Variants in DNAJC1 observed in about 807,000 individuals in gnomAD.
DNAJC1 encodes the protein dnaJ homolog subfamily C member 1.
In DNAJC1, 58 loss-of-function variants were observed where a neutral mutation model predicts 76.6. The ratio of observed to expected loss-of-function variants is 0.76; its 90% CI spans 0.61 to 0.94. The LOEUF (loss-of-function observed/expected upper bound fraction) is 0.94, where lower values mean the gene tolerates loss of function less well. Among genes scored for constraint, DNAJC1 ranks in the 40% least tolerant of loss-of-function variants. DNAJC1 has a pLI of 0.00. For synonymous variants in DNAJC1, 258 were observed against 267.9 expected (o/e 0.96, Z 0.36); for missense variants, 689 against 677.3 (o/e 1.02, Z -0.19).
intron 3 of DNAJC1, 30 bp downstream of exon 3, chr10:21,928,476 C>T (rs1299832624): frequency 6.3e-7 from 1 of 1,596,712 alleles, no homozygotes; most frequent in Non-Finnish European, 8.6e-7. Flanking sequence ...ACTATAACAT[C>T]TTAATTCAAA....
intron 8 of DNAJC1, among the ~76,000 whole-genome samples, chr10:21,847,668 T>A (rs1835682045): frequency 6.6e-6 from 1 of 152,172 alleles, no homozygotes; most frequent in Admixed American, 6.5e-5. Context: ...AGCTGTCACA[T>A]ATGAGTGAGA....
chr10:21,977,324 TTAGA>T (rs1265047008), intron 1 of DNAJC1, among the ~76,000 whole-genome samples: 1 of 152,176 alleles, frequency 6.6e-6, no homozygotes, highest in Non-Finnish European at 1.5e-5. Flanking sequence ...AAGCTGCAAT[TTAGA>T]TAGTCTAATT....
At chr10:21,913,039 C>CTA (rs977381309) in intron 6 of DNAJC1, among the ~76,000 whole-genome samples, 1 of 147,780 alleles carries the variant, frequency 6.8e-6, no homozygotes, top group Non-Finnish European at 1.5e-5. Context: ...GAAGATTCCT[C>CTA]TATTTTCTCA....
intron 7 of DNAJC1, among the ~76,000 whole-genome samples, chr10:21,893,989 T>C (rs1564819803): frequency 6.6e-6 from 1 of 152,036 alleles, no homozygotes; most frequent in Non-Finnish European, 1.5e-5. Flanking sequence ...CATGTAGACA[T>C]CAAAAGGATA....
At chr10:21,863,000 C>T (rs1432618123) in intron 8 of DNAJC1, among the ~76,000 whole-genome samples, 2 of 151,876 alleles carry the variant, frequency 1.3e-5, no homozygotes, top group African/African-American at 2.4e-5. Flanking sequence ...GGCATGGTGG[C>T]GCATGCCTGT....
chr10:21,846,836 A>G (rs1835667595), intron 8 of DNAJC1, among the ~76,000 whole-genome samples: 1 of 152,032 alleles, frequency 6.6e-6, no homozygotes, highest in South Asian at 2.1e-4. Flanking sequence ...TATTTCAAAA[A>G]TAAACATTTC....
intron 1 of DNAJC1, among the ~76,000 whole-genome samples, chr10:21,950,919 C>T (rs1270118654): frequency 2.0e-5 from 3 of 152,036 alleles, no homozygotes; most frequent in Admixed American, 6.6e-5. Context: ...AGTTGGATCA[C>T]GAGGCTTAAG....
chr10:21,864,497 C>T (rs1835964527), intron 8 of DNAJC1, among the ~76,000 whole-genome samples: 1 of 151,958 alleles, frequency 6.6e-6, no homozygotes, highest in African/African-American at 2.4e-5. Context: ...TGGCATGCGC[C>T]TGTAGTCCCA....
chr10:21,948,776 G>A (rs184327755), intron 1 of DNAJC1, among the ~76,000 whole-genome samples: 3 of 152,194 alleles, frequency 2.0e-5, no homozygotes, highest in African/African-American at 4.8e-5. Flanking sequence ...TACAGATAAC[G>A]GGAGACTACT....
intron 8 of DNAJC1, among the ~76,000 whole-genome samples, chr10:21,862,010 C>T (rs2131699392): frequency 6.6e-6 from 1 of 152,160 alleles, no homozygotes; most frequent in South Asian, 2.1e-4. Context: ...CCTCCACCTC[C>T]CAGGTTCAGG....
chr10:21,907,813 C>T (rs896034384), intron 6 of DNAJC1, among the ~76,000 whole-genome samples: 1 of 149,522 alleles, frequency 6.7e-6, no homozygotes, highest in African/African-American at 2.5e-5. Context: ...CCCATGTGTA[C>T]TAAAAATACA....
chr10:21,917,621 A>G (rs1353932690), intron 6 of DNAJC1, among the ~76,000 whole-genome samples: 2 of 152,046 alleles, frequency 1.3e-5, no homozygotes, highest in East Asian at 3.8e-4. Context: ...AGTCTTACAG[A>G]CAGCATACAA....
intron 8 of DNAJC1, among the ~76,000 whole-genome samples, chr10:21,857,485 A>AT (rs1484746735): frequency 6.6e-6 from 1 of 152,104 alleles, no homozygotes; most frequent in Non-Finnish European, 1.5e-5. Flanking sequence ...AACCAGAGAA[A>AT]TTTTTTGTAT....
intron 8 of DNAJC1, among the ~76,000 whole-genome samples, chr10:21,844,280 G>C (rs979127322): frequency 6.9e-6 from 1 of 143,986 alleles, no homozygotes; most frequent in African/African-American, 2.6e-5. Flanking sequence ...TTTTTTTTTT[G>C]TATTTTTAGT....
chr10:21,813,052 C>T (rs111527100), intron 8 of DNAJC1, among the ~76,000 whole-genome samples: 23 of 112,686 alleles, frequency 2.0e-4, no homozygotes, highest in East Asian at 8.9e-4. Flanking sequence ...CACACACACA[C>T]ATATATATAC....
In DNAJC1 at chr10:21,904,517, C is replaced by T. The variant is rs1836710590; in HGVS notation, c.820+5G>A. 2 of 1,533,682 alleles carry T rather than the reference C, an allele frequency of 1.3e-6. No homozygotes were observed. The highest frequency in any genetic ancestry group is 8.8e-7 in the Non-Finnish European group (1 of 1,135,662). ...ATTGTTAAAACACTAATGTTTAAAA[C>T]TCACTTTGAAGTGTTTCAAGTTCAG... On this transcript the variant is annotated splice_donor_5th_base_variant and intron_variant, in intron 7 of 11. Coordinates refer to ENST00000376980, the MANE Select transcript of DNAJC1 (RefSeq NM_022365.4).
At chr10:21,766,968 TA>T (rs1275709137) in intron 9 of DNAJC1, among the ~76,000 whole-genome samples, 5,683 of 69,906 alleles carry the variant, frequency 0.081, 129 homozygotes, top group Non-Finnish European at 0.11. Context: ...AGACCCTGCC[TA>T]AAAAAAAAAA....
intron 9 of DNAJC1, among the ~76,000 whole-genome samples, chr10:21,770,341 C>T (rs969556520): frequency 6.7e-6 from 1 of 149,614 alleles, no homozygotes; most frequent in Non-Finnish European, 1.5e-5. Context: ...GTATCCATTG[C>T]TTATGTGGGT....
At chr10:21,918,960 T>C (rs999327025) in intron 5 of DNAJC1, 88 bp from the exon 6 acceptor site, 2 of 884,398 alleles carry the variant, frequency 2.3e-6, no homozygotes, top group Admixed American at 2.2e-5. Flanking sequence ...ATAAAGATCA[T>C]GAATTCTTTT....
Sources: allele counts gnomAD v4.1 joint callset (sites outside exome capture counted in the v4.1 genomes callset), GRCh38; gene constraint gnomAD v4.1.1; transcripts MANE v1.5; gene names NCBI Gene and HGNC (gene_info 2026-07-23, HGNC 2026-07-21).